The following PTPRU variants were observed in gnomAD, a reference collection of about 807,000 sequenced individuals.
PTPRU encodes the protein protein tyrosine phosphatase receptor type U, also known as receptor-type tyrosine-protein phosphatase U.
PTPRU carries 69 observed loss-of-function variants against 166.3 expected under a neutral mutation model. That is an observed-to-expected ratio of 0.41 (90% CI 0.34 to 0.51). The LOEUF (loss-of-function observed/expected upper bound fraction) is 0.51, where lower values mean the gene tolerates loss of function less well. Ranked by LOEUF, PTPRU falls within the 20% of genes least tolerant of loss-of-function variation. The pLI is 0.09. For synonymous variants in PTPRU, 793 were observed against 814.0 expected (o/e 0.97, Z 0.44); for missense variants, 1,657 against 2,013.7 (o/e 0.82, Z 3.39).
At chr1:29,290,676 G>C (rs185110923) in intron 14 of PTPRU, among the ~76,000 whole-genome samples, 1 of 152,352 alleles carries the variant, frequency 6.6e-6, no homozygotes, top group East Asian at 1.9e-4. Flanking sequence ...GACTCGCGCT[G>C]AGCCCCCAGC....
In PTPRU at chr1:29,305,344, G is replaced by A. The variant is rs776283207; in HGVS notation, c.2744-8G>A. 1.4e-5 allele frequency: 23 copies of A among 1,613,620 alleles called. No individual in the cohort carries two copies. The highest frequency in any genetic ancestry group is 2.7e-5 in the African/African-American group (2 of 74,928). ...TTCAGCCCCTGCCCACCTGCTCTGT[G>A]TTTACAGATGATCGGCACCGAGTGA... is the stretch of plus-strand genomic sequence containing the variant. On this transcript the variant is annotated splice_polypyrimidine_tract_variant and splice_region_variant and intron_variant, in intron 17 of 29. Transcript: ENST00000373779.
intron 7 of PTPRU, among the ~76,000 whole-genome samples, chr1:29,262,578 A>G (rs1333308791): frequency 6.6e-6 from 1 of 152,204 alleles, no homozygotes; most frequent in Non-Finnish European, 1.5e-5. Context: ...TACTGTGCCT[A>G]ATGTAGAAAT....
intron 5 of PTPRU, 35 bp downstream of exon 5, chr1:29,259,599 G>GCCCCACCC: frequency 6.8e-7 from 1 of 1,467,292 alleles, no homozygotes; most frequent in Non-Finnish European, 9.3e-7. Flanking sequence ...TGGGGGCGGG[G>GCCCCACCC]TGGGAGGGGG....
intron 25 of PTPRU, among the ~76,000 whole-genome samples, chr1:29,318,911 A>C (rs535295722): frequency 3.9e-5 from 6 of 152,338 alleles, no homozygotes; most frequent in Non-Finnish European, 8.8e-5. Flanking sequence ...CCGATGGGGA[A>C]GGTTCTCCCA....
chr1:29,321,462 T>TC (rs964638921), intron 26 of PTPRU, among the ~76,000 whole-genome samples: 7 of 152,168 alleles, frequency 4.6e-5, no homozygotes, highest in Non-Finnish European at 8.8e-5. Context: ...CCAAAGAGGT[T>TC]CAGTGCCTTC....
rs1685575765 is a variant in PTPRU, at chr1:29,272,000, G to GC, written c.1145-3447dup. Among the ~76,000 whole-genome samples, 2 of 151,900 alleles carry GC rather than the reference G, an allele frequency of 1.3e-5. No homozygotes were observed. ...AGACTCCCAGGACAGTGCACACAGG[G>GC]CAGCCACCTCGGCTCTTGTAGACTC... On this transcript the variant is annotated intron_variant, in intron 7 of 29. Transcript: ENST00000373779. This position sits in a 1 kb window ranked among gnomAD's most constrained non-coding sequence, Gnocchi z 4.4.
At chr1:29,262,434 T>A (rs538581858) in intron 7 of PTPRU, among the ~76,000 whole-genome samples, 16 of 152,328 alleles carry the variant, frequency 1.1e-4, no homozygotes, top group Admixed American at 2.0e-4. Context: ...TGTGGTCAAC[T>A]TGAGGCTTGA....
rs141378439 is a variant in PTPRU at position 29,282,705 on chromosome 1, G to A, written c.1898G>A (p.Arg633Gln). 9,563 of 1,613,064 alleles carry A rather than the reference G, an allele frequency of 5.9e-3. 49 individuals carry two copies. Among genetic ancestry groups the A allele is most frequent in the Non-Finnish European group, 7.6e-3 (8,951 of 1,179,906 alleles). ...TACCAGGTGATTGTGGAGGAGGAGC[G>A]GGCGCGGAGGCTGCGGCGGGAGCCA... ...SVYQVIVEEE[R>Q]ARRLRREPGG... The change falls in exon 12 of 30, where the codon CGG becomes CAG. Residue 633 changes from arginine to glutamine, a missense_variant. Around this residue, in one of 3 missense-constraint regions of PTPRU, gnomAD observed 1,190 missense variants for 1,477.4 expected, o/e 0.81. Transcript: ENST00000373779.
intron 1 of PTPRU, among the ~76,000 whole-genome samples, chr1:29,254,881 T>TG (rs1441758568): frequency 2.6e-5 from 4 of 152,210 alleles, no homozygotes; most frequent in Admixed American, 2.6e-4. Flanking sequence ...CTCAGCCTTT[T>TG]GGGGTCTCAG....
chr1:29,273,017 GT>G (rs1004198791), intron 7 of PTPRU, among the ~76,000 whole-genome samples: 3 of 152,122 alleles, frequency 2.0e-5, no homozygotes, highest in Non-Finnish European at 4.4e-5. Context: ...GGATGCTGAG[GT>G]CCCTCTAGCT....
chr1:29,293,498 G>A (rs1232129905), intron 15 of PTPRU, among the ~76,000 whole-genome samples: 5 of 138,506 alleles, frequency 3.6e-5, no homozygotes, highest in Admixed American at 7.7e-5. Flanking sequence ...TTTTTGAGAC[G>A]GAGTCTCCCT....
chr1:29,260,674 G>C lies in PTPRU; in HGVS notation c.915G>C (p.Gln305His). 1 of 1,565,306 alleles carries C rather than the reference G, an allele frequency of 6.4e-7. No homozygotes were observed. Among genetic ancestry groups the C allele is most frequent in the Non-Finnish European group, 8.7e-7 (1 of 1,152,924 alleles). The change falls in exon 7 of 30, where the codon CAG becomes CAC. Residue 305 changes from glutamine (Q) to histidine (H), a missense_variant. Gln to His is a conservative substitution (Grantham distance 24). This residue lies in a region of PTPRU where 453 missense variants were observed against 496.9 expected (regional missense o/e 0.91). Coordinates refer to ENST00000373779, the MANE Select transcript of PTPRU (RefSeq NM_133178.4). This position sits in a 1 kb window ranked among gnomAD's most constrained non-coding sequence, Gnocchi z 8.3. ...CTGGCCCCACCTACCTCATCATCCA[G>C]CTCAACACCAACTCCATCATTGGCG... Reference protein sequence around the residue: ...LRAGPTYLIIQLNTNSIIGDG... With the variant: ...LRAGPTYLIIHLNTNSIIGDG...
At chr1:29,243,516 A>G (rs922274180) in intron 1 of PTPRU, among the ~76,000 whole-genome samples, 2 of 151,712 alleles carry the variant, frequency 1.3e-5, no homozygotes, top group Non-Finnish European at 2.9e-5. Flanking sequence ...GCCCCTCCCT[A>G]CTTCTCACCT....
In PTPRU at chr1:29,248,831, G is replaced by A. The variant is rs571771978; in HGVS notation, c.74-6444G>A. Among the ~76,000 whole-genome samples, 4 of 152,190 alleles carry A rather than the reference G, an allele frequency of 2.6e-5. No homozygotes were observed. In the East Asian group the frequency reaches 7.7e-4, roughly 29 times the overall value. On this transcript the variant is annotated intron_variant, in intron 1 of 29. Coordinates refer to ENST00000373779, the MANE Select transcript of PTPRU (RefSeq NM_133178.4). ...CCTGTACCTTTGCTTGTAAATGCAC[G>A]TCTATACACCCACGGCTTCACAGCG...
At chr1:29,294,751 T>G (rs1686803404) in intron 15 of PTPRU, among the ~76,000 whole-genome samples, 1 of 152,204 alleles carries the variant, frequency 6.6e-6, no homozygotes, top group Non-Finnish European at 1.5e-5. Context: ...TGTGGTGGTA[T>G]AAGTTAAGGA....
chr1:29,300,671 G>A lies in PTPRU; in HGVS notation c.2477-3184G>A, dbSNP rs139423056. ...CCAGCTGTAAGCAACCAGTAATCCA[G>A]CTAAAATATAGGAATCAATTGCTTT... On this transcript the variant is annotated intron_variant, in intron 15 of 29. Transcript: ENST00000373779. Among the ~76,000 whole-genome samples, 3 of 152,334 alleles carry A rather than the reference G, an allele frequency of 2.0e-5. No individual in the cohort carries two copies. In the East Asian group the frequency reaches 5.8e-4, roughly 29 times the overall value.
At chr1:29,269,219 C>CAAATATATATAT (rs1365617963) in intron 7 of PTPRU, among the ~76,000 whole-genome samples, 19 of 42,388 alleles carry the variant, frequency 4.5e-4, no homozygotes, top group African/African-American at 1.3e-3. Context: ...AATTTATATA[C>CAAATATATATAT]ATATATATAT....
intron 1 of PTPRU, among the ~76,000 whole-genome samples, chr1:29,252,638 A>C (rs960040692): frequency 6.6e-6 from 1 of 152,134 alleles, no homozygotes; most frequent in Non-Finnish European, 1.5e-5. Flanking sequence ...CTGCAGATGA[A>C]ACAGTAGAGC....
chr1:29,239,421 G>T (rs1233707925), intron 1 of PTPRU, among the ~76,000 whole-genome samples: 1 of 152,202 alleles, frequency 6.6e-6, no homozygotes, highest in East Asian at 1.9e-4. Flanking sequence ...GGCAATAAAG[G>T]CTTGTCTGGG....
Sources: gnomAD v4.1 joint callset for allele counts (sites outside exome capture counted in the v4.1 genomes callset) on GRCh38, gnomAD v4.1.1 for gene constraint, gnomAD v4.1.1 regional missense constraint, Gnocchi (gnomAD v3.1) non-coding constraint, MANE v1.5 for transcripts, NCBI Gene and HGNC (gene_info 2026-07-23, HGNC 2026-07-21) for gene names.